Variants in AGPAT4 observed in about 807,000 individuals in gnomAD.
AGPAT4 encodes 1-acyl-sn-glycerol-3-phosphate acyltransferase delta.
In AGPAT4, 15 loss-of-function variants were observed where a neutral mutation model predicts 48.0. The observed-to-expected ratio is 0.31, with a 90% CI of 0.21 to 0.48. The LOEUF (loss-of-function observed/expected upper bound fraction) is 0.48, where lower values mean the gene tolerates loss of function less well. AGPAT4 is among the 20% of genes least tolerant of loss of function. AGPAT4 has a pLI of 0.99. For synonymous variants in AGPAT4, 178 were observed against 198.7 expected (o/e 0.90, Z 0.88); for missense variants, 314 against 482.5 (o/e 0.65, Z 3.27).
rs141216173 is a variant in AGPAT4 at position 161,198,988 on chromosome 6, G to T, written c.179-32571C>A. ...AGATTTGCTTGTTGAAATTCATGAT[G>T]CAATAAGCCTTTGGGACAGATTACG... On this transcript the variant is annotated intron_variant, in intron 2 of 8. Transcript: ENST00000320285. The surrounding 1 kb of genome is among the most constrained non-coding windows in gnomAD (Gnocchi z 4.3). Among the ~76,000 whole-genome samples the T allele has an allele frequency of 6.6e-6, 1 of 151,974 alleles. No individual in the cohort carries two copies. The highest frequency in any genetic ancestry group is 2.1e-4 in the South Asian group (1 of 4,810).
chr6:161,273,891 C>T (rs1262632622), intron 1 of AGPAT4, 47 bp downstream of exon 1: 1 of 151,396 alleles, frequency 6.6e-6, no homozygotes, highest in Non-Finnish European at 1.5e-5. Context: ...AAACATCAGC[C>T]ACACCCAGCG....
At position 161,143,119 on chromosome 6, in the gene AGPAT4, C is replaced by T. The variant is rs1177268674; in HGVS notation, c.843+3405G>A. On this transcript the variant is annotated intron_variant, in intron 7 of 8. Coordinates refer to ENST00000320285, the MANE Select transcript of AGPAT4 (RefSeq NM_020133.3). The surrounding 1 kb of genome is among the most constrained non-coding windows in gnomAD (Gnocchi z 4.7). ...ACAGGGTCTTGCTCTGCTGCCCAGGCTGGAGTGCAGTGGTGCAATCATAGC... is the reference window on the plus strand; with the variant it reads ...ACAGGGTCTTGCTCTGCTGCCCAGGTTGGAGTGCAGTGGTGCAATCATAGC... Among the ~76,000 whole-genome samples the T allele has an allele frequency of 6.6e-6, 1 of 152,248 alleles. No homozygotes were observed. The highest frequency in any genetic ancestry group is 1.5e-5 in the Non-Finnish European group (1 of 68,044).
chr6:161,137,301 A>C lies in AGPAT4; in HGVS notation c.1043-667T>G, dbSNP rs1353374330. On this transcript the variant is annotated intron_variant, in intron 8 of 8. Coordinates refer to ENST00000320285, the MANE Select transcript of AGPAT4 (RefSeq NM_020133.3). The surrounding 1 kb of genome is among the most constrained non-coding windows in gnomAD (Gnocchi z 6.1). ...TCCTTGGGTGCAGGGCCCAAGACTT[A>C]ATCATTTGATGTGCTCAGCACTGGG... Among the ~76,000 whole-genome samples the C allele has an allele frequency of 2.0e-5, 3 of 152,154 alleles. No individual in the cohort carries two copies. The highest frequency in any genetic ancestry group is 4.4e-5 in the Non-Finnish European group (3 of 68,008).
intron 1 of AGPAT4, among the ~76,000 whole-genome samples, chr6:161,241,219 C>T (rs576502060): frequency 7.4e-4 from 108 of 145,978 alleles, no homozygotes; most frequent in African/African-American, 2.3e-3. Context: ...CCCAAGATCG[C>T]GCCATTGCAC....
At position 161,197,792 on chromosome 6, in the gene AGPAT4, C is replaced by T. The variant is rs1781111796; in HGVS notation, c.179-31375G>A. On this transcript the variant is annotated intron_variant, in intron 2 of 8. Transcript: ENST00000320285. The surrounding 1 kb of genome is among the most constrained non-coding windows in gnomAD (Gnocchi z 5.7). ...GGCACCCAGGAGAGTTAAGTGCCTGCCGGAGTTCTGGAAATAAAATTACTT... is the reference window on the plus strand; with the variant it reads ...GGCACCCAGGAGAGTTAAGTGCCTGTCGGAGTTCTGGAAATAAAATTACTT... Among the ~76,000 whole-genome samples the T allele has an allele frequency of 6.6e-6, 1 of 152,128 alleles. No individual in the cohort carries two copies. Among genetic ancestry groups the T allele is most frequent in the Non-Finnish European group, 1.5e-5 (1 of 68,030 alleles).
At chr6:161,257,556 A>C (rs544711299) in intron 1 of AGPAT4, among the ~76,000 whole-genome samples, 82 of 152,344 alleles carry the variant, frequency 5.4e-4, no homozygotes, top group African/African-American at 1.9e-3. Flanking sequence ...AAAATGGGTG[A>C]ATTTATGGTA....
rs762908731 is a variant in AGPAT4 at position 161,149,206 on chromosome 6, G to C, written c.748C>G (p.His250Asp). 4 of 1,613,218 alleles carry C rather than the reference G, an allele frequency of 2.5e-6. No homozygotes were observed. The East Asian group carries it at 8.9e-5, about 36-fold the overall frequency. Residue 250 changes from histidine to aspartate, a missense_variant, in exon 6 of 9, where the codon CAT becomes GAT. His to Asp is a moderately conservative substitution (Grantham distance 81). Transcript: ENST00000320285. This position sits in a 1 kb window ranked among gnomAD's most constrained non-coding sequence, Gnocchi z 6.5. ...ACTTACCTAACATACAAATCTGCAT[G>C]GTATTTCTTTCCGTTTAGGACTCCC... ...LLGVLNGKKY[H>D]ADLYVRRIPL...
chr6:161,149,994 G>C lies in AGPAT4; in HGVS notation c.665-705C>G, dbSNP rs16892225. Among the ~76,000 whole-genome samples, 24,248 of 152,216 alleles carry C rather than the reference G, an allele frequency of 0.16. 2,668 individuals carry two copies. Among genetic ancestry groups the C allele is most frequent in the African/African-American group, 0.31 (12,796 of 41,516 alleles). ...ATAAGAAAAATTATTCCAAAGGAAA[G>C]TAAGGATGTGTCTCAGTTACAGCAG... On this transcript the variant is annotated intron_variant, in intron 5 of 8. Coordinates refer to ENST00000320285, the MANE Select transcript of AGPAT4 (RefSeq NM_020133.3). The surrounding 1 kb of genome is among the most constrained non-coding windows in gnomAD (Gnocchi z 6.5).
intron 2 of AGPAT4, among the ~76,000 whole-genome samples, chr6:161,181,395 C>G (rs2114992587): frequency 6.6e-6 from 1 of 152,082 alleles, no homozygotes; most frequent in South Asian, 2.1e-4. Context: ...CCCTTGTCCC[C>G]ACTCTGTCCC....
Position 161,148,886 on chromosome 6 carries a change from G to T in AGPAT4, c.767+301C>A, listed in dbSNP as rs113880137. Among the ~76,000 whole-genome samples, 1,873 of 152,170 alleles carry T rather than the reference G, an allele frequency of 0.012. 48 individuals carry two copies. Among genetic ancestry groups the T allele is most frequent in the African/African-American group, 0.043 (1,781 of 41,518 alleles). On this transcript the variant is annotated intron_variant, in intron 6 of 8. Coordinates refer to ENST00000320285, the MANE Select transcript of AGPAT4 (RefSeq NM_020133.3). This position sits in a 1 kb window ranked among gnomAD's most constrained non-coding sequence, Gnocchi z 5.5. ...CAGCAGACCCATCGCCCACGAAAAG[G>T]GTCAATAACATATTCTCTTCACACC...
At chr6:161,247,713 G>A (rs10945720) in intron 1 of AGPAT4, among the ~76,000 whole-genome samples, 17,108 of 152,112 alleles carry the variant, frequency 0.11, 1,269 homozygotes, top group Non-Finnish European at 0.17. Context: ...CCAGGCCATG[G>A]TGGCTTACAC....
chr6:161,256,367 T>G (rs564269262), intron 1 of AGPAT4, among the ~76,000 whole-genome samples: 2 of 152,276 alleles, frequency 1.3e-5, no homozygotes, highest in Admixed American at 6.5e-5. Context: ...TGCCTAAGAT[T>G]GGGGAAAAGT....
rs143961640 is a variant in AGPAT4 at position 161,137,994 on chromosome 6, T to G, written c.1043-1360A>C. 3.2e-3 allele frequency among the ~76,000 whole-genome samples: 494 copies of G among 152,294 alleles called. 3 individuals carry two copies. The highest frequency in any genetic ancestry group is 0.011 in the African/African-American group (445 of 41,572). On this transcript the variant is annotated intron_variant, in intron 8 of 8. Coordinates refer to ENST00000320285, the MANE Select transcript of AGPAT4 (RefSeq NM_020133.3). The surrounding 1 kb of genome is among the most constrained non-coding windows in gnomAD (Gnocchi z 6.1). ...TGGGTGGCCCTGTCTGCAGCCTTCA[T>G]CCTGAAGGGGCCCCTCTCCAAGACG...
chr6:161,192,877 C>T (rs1780964557), intron 2 of AGPAT4, among the ~76,000 whole-genome samples: 1 of 152,176 alleles, frequency 6.6e-6, no homozygotes, highest in Admixed American at 6.5e-5. Flanking sequence ...AGAAGTTAGA[C>T]TTTAGGGTGT....
At position 161,189,303 on chromosome 6, in the gene AGPAT4, T is replaced by G. The variant is rs1033810248; in HGVS notation, c.179-22886A>C. Among the ~76,000 whole-genome samples the G allele has an allele frequency of 6.6e-6, 1 of 152,050 alleles. No homozygotes were observed. The highest frequency in any genetic ancestry group is 1.5e-5 in the Non-Finnish European group (1 of 68,034). On this transcript the variant is annotated intron_variant, in intron 2 of 8. Coordinates refer to ENST00000320285, the MANE Select transcript of AGPAT4 (RefSeq NM_020133.3). The surrounding 1 kb of genome is among the most constrained non-coding windows in gnomAD (Gnocchi z 5.3). ...GGCTCTTGTGGTGAAGTCTAATGAG[T>G]GTGCCAAGACCAGCAGGGTGCCCTG... is the stretch of plus-strand genomic sequence containing the variant.
intron 5 of AGPAT4, among the ~76,000 whole-genome samples, chr6:161,152,991 A>G (rs1188933252): frequency 6.6e-6 from 1 of 152,206 alleles, no homozygotes; most frequent in Non-Finnish European, 1.5e-5. Flanking sequence ...TGATGCCAAC[A>G]GGTGGGCAAG....
Position 161,139,182 on chromosome 6 carries a change from C to T in AGPAT4, c.1042+240G>A, listed in dbSNP as rs950440400. Among the ~76,000 whole-genome samples, 3 of 152,192 alleles carry T rather than the reference C, an allele frequency of 2.0e-5. No individual in the cohort carries two copies. Among genetic ancestry groups the T allele is most frequent in the Admixed American group, 1.3e-4 (2 of 15,290 alleles). On this transcript the variant is annotated intron_variant, in intron 8 of 8. Coordinates refer to ENST00000320285, the MANE Select transcript of AGPAT4 (RefSeq NM_020133.3). The surrounding 1 kb of genome is among the most constrained non-coding windows in gnomAD (Gnocchi z 9.1). ...AGCTGCATCACCACCCAACAGGGAA[C>T]GTGTGGAATCCAGCCCCAGGTGGGA...
chr6:161,176,536 C>G (rs112276692), intron 2 of AGPAT4, among the ~76,000 whole-genome samples: 1 of 152,138 alleles, frequency 6.6e-6, no homozygotes, highest in African/African-American at 2.4e-5. Flanking sequence ...ATGTGTGTCT[C>G]TGTACATGAG....
At position 161,154,338 on chromosome 6, in the gene AGPAT4, C is replaced by T. The variant is rs1779700821; in HGVS notation, c.349-28G>A. 1 of 1,613,120 alleles carries T rather than the reference C, an allele frequency of 6.2e-7. No homozygotes were observed. Among genetic ancestry groups the T allele is most frequent in the African/African-American group, 1.3e-5 (1 of 74,918 alleles). On this transcript the variant is annotated intron_variant, in intron 3 of 8. Transcript: ENST00000320285. This position sits in a 1 kb window ranked among gnomAD's most constrained non-coding sequence, Gnocchi z 7.8. Reference sequence around the variant, plus strand: ...GAAACAGAAGAAGGAGCCCAGGTGCCCATGAAGGAGACGTCAGAGCCACCT... The same window carrying T: ...GAAACAGAAGAAGGAGCCCAGGTGCTCATGAAGGAGACGTCAGAGCCACCT...
Sources: allele counts gnomAD v4.1 joint callset (sites outside exome capture counted in the v4.1 genomes callset), GRCh38; gene constraint gnomAD v4.1.1; non-coding constraint Gnocchi (gnomAD v3.1); transcripts MANE v1.5; gene names NCBI Gene and HGNC (gene_info 2026-07-23, HGNC 2026-07-21).